MYH11: variants seen among roughly 807,000 people sequenced by gnomAD.
MYH11 encodes myosin-11.
Under a neutral mutation model 246.6 loss-of-function variants are expected in MYH11, and 80 were observed. That is an observed-to-expected ratio of 0.32 (90% CI 0.27 to 0.39). The LOEUF (loss-of-function observed/expected upper bound fraction) is 0.39, where lower values mean the gene tolerates loss of function less well. Among genes scored for constraint, MYH11 ranks in the 10% least tolerant of loss-of-function variants. MYH11 has a pLI of 1.00. For synonymous variants in MYH11, 1,071 were observed against 1,015.5 expected, an observed-to-expected ratio of 1.05 and a Z score of -1.04; for missense variants, 2,158 against 2,546.8, an observed-to-expected ratio of 0.85 and a Z score of 3.29.
intron 14 of MYH11, 148 bp downstream of exon 14, chr16:15,756,193 G>A (rs1376882379): frequency 1.4e-5 from 12 of 855,918 alleles, no homozygotes; most frequent in East Asian, 1.1e-4. Flanking sequence ...GACAAATTAC[G>A]AATAGGACTT....
chr16:15,786,592 G>A (rs1567760926), intron 5 of MYH11, 38 bp downstream of exon 5: 6 of 1,577,082 alleles, frequency 3.8e-6, no homozygotes, highest in Admixed American at 1.7e-5. Flanking sequence ...GAGACCGGTT[G>A]GCTAAATCAT....
At chr16:15,713,052 G>C (rs546672167) in intron 40 of MYH11, 1 of 151,624 alleles carries the variant, frequency 6.6e-6, no homozygotes, top group East Asian at 1.9e-4. Context: ...ACAGGGTTTC[G>C]GCATTCACAT....
chr16:15,717,628 C>T, intron 37 of MYH11: 1 of 546,692 alleles, frequency 1.8e-6, no homozygotes, highest in Non-Finnish European at 3.3e-6. Flanking sequence ...AACCCCGTCT[C>T]TATTAAAAAT....
rs554607161 is a variant in MYH11, at chr16:15,798,696, A to G, written c.503-9T>C. 54 of 1,612,662 alleles carry G rather than the reference A, an allele frequency of 3.3e-5. No homozygotes were observed. The highest frequency in any genetic ancestry group is 4.6e-5 in the Non-Finnish European group (54 of 1,179,872). On this transcript the variant is annotated splice_polypyrimidine_tract_variant and intron_variant, in intron 3 of 40. Transcript: ENST00000300036. ...GGACTGGTCCTCCCGATCTGCAAAC[A>G]GAAAGAAGAAAAAAGAGCCATGAAT...
In MYH11 at chr16:15,820,475, GAAAA is replaced by G. The variant is rs199534515; in HGVS notation, c.502+2776_502+2779del. On this transcript the variant is annotated intron_variant, in intron 3 of 40. Transcript: ENST00000300036. ...GGCACCAAGAGGGAAACTCCATCCG[GAAAA>G]AAAAAAAAAAAAAGAAAGAAAGAAA... Among the ~76,000 whole-genome samples, 107 of 104,372 alleles carry G rather than the reference GAAAA, an allele frequency of 1.0e-3. 1 individual carries two copies. The highest frequency in any genetic ancestry group is 1.7e-3 in the Non-Finnish European group (88 of 51,010). 68.5% of individuals were successfully genotyped at this position (104,372 alleles called of 152,430 possible). A position where few individuals can be genotyped will look rare whatever the true frequency, so the allele number is the denominator to read the frequency against.
At position 15,757,962 on chromosome 16, in the gene MYH11, G is replaced by A. The variant is rs554373758; in HGVS notation, c.1440C>T (p.Asn480=). The A allele has an allele frequency of 1.4e-5, 23 of 1,614,194 alleles. No individual in the cohort carries two copies. Among genetic ancestry groups the A allele is most frequent in the African/African-American group, 2.7e-5 (2 of 75,068 alleles). Residue 480 remains asparagine (N), a synonymous_variant, in exon 13 of 41, where the codon AAC becomes AAT. Coordinates refer to ENST00000300036, the MANE Select transcript of MYH11 (RefSeq NM_002474.3). Reference sequence around the variant, plus strand: ...GGTTGAAGAGCTGCTGCAGCTTCTCGTTGGTGTAGTTGATGCACAGCTGCT... The same window carrying A: ...GGTTGAAGAGCTGCTGCAGCTTCTCATTGGTGTAGTTGATGCACAGCTGCT... ...SFEQLCINYT[N]EKLQQLFNHT...
intron 1 of MYH11, among the ~76,000 whole-genome samples, chr16:15,850,828 G>C (rs1188514900): frequency 6.6e-6 from 1 of 152,196 alleles, no homozygotes; most frequent in Non-Finnish European, 1.5e-5. Context: ...CTGGGAGGTA[G>C]AGGTTGCAGT....
At chr16:15,842,873 A>T (rs1413805873) in intron 1 of MYH11, among the ~76,000 whole-genome samples, 5 of 152,040 alleles carry the variant, frequency 3.3e-5, no homozygotes, top group South Asian at 2.1e-4. Context: ...CTGGTAGACA[A>T]CATGTATTGT....
Position 15,724,644 on chromosome 16 carries a change from C to T in MYH11, c.4116+3G>A, listed in dbSNP as rs113723872. 1 of 1,613,826 alleles carries T rather than the reference C, an allele frequency of 6.2e-7. No individual in the cohort carries two copies. Among genetic ancestry groups the T allele is most frequent in the Non-Finnish European group, 8.5e-7 (1 of 1,180,030 alleles). ...GAAGGAAGCAAGGACACGGGGCAGG[C>T]ACCTGGATGTTGAGAGTGGAGATGT... is the stretch of plus-strand genomic sequence containing the variant. On this transcript the variant is annotated splice_donor_region_variant and intron_variant, in intron 30 of 40. Coordinates refer to ENST00000300036, the MANE Select transcript of MYH11 (RefSeq NM_002474.3).
chr16:15,724,143 A>T lies in MYH11; in HGVS notation c.4365+18T>A, dbSNP rs756133234. On this transcript the variant is annotated intron_variant, in intron 31 of 40. Transcript: ENST00000300036. ...CCAGCGTCCATGGCCAGAGTGGGGGACACCCCACGCCCTCTACCTGATCAA... is the reference window on the plus strand; with the variant it reads ...CCAGCGTCCATGGCCAGAGTGGGGGTCACCCCACGCCCTCTACCTGATCAA... The T allele has an allele frequency of 6.2e-7, 1 of 1,612,286 alleles. No individual in the cohort carries two copies. The highest frequency in any genetic ancestry group is 8.5e-7 in the Non-Finnish European group (1 of 1,180,014).
chr16:15,855,448 G>A (rs2044440195), intron 1 of MYH11, among the ~76,000 whole-genome samples: 1 of 152,174 alleles, frequency 6.6e-6, no homozygotes, highest in African/African-American at 2.4e-5. Flanking sequence ...AAAGATAGTG[G>A]GGTCAAGGGT....
chr16:15,740,802 A>G (rs554097901), intron 22 of MYH11, among the ~76,000 whole-genome samples: 1 of 152,318 alleles, frequency 6.6e-6, no homozygotes, highest in African/African-American at 2.4e-5. Context: ...TCTAACAACA[A>G]CAACAAAAAT....
rs1264372928 is a variant in MYH11 at position 15,776,182 on chromosome 16, T to G, written c.791-6A>C. 1 of 1,606,660 alleles carries G rather than the reference T, an allele frequency of 6.2e-7. No homozygotes were observed. Among genetic ancestry groups the G allele is most frequent in the East Asian group, 2.2e-5 (1 of 44,844 alleles). On this transcript the variant is annotated splice_polypyrimidine_tract_variant and splice_region_variant and intron_variant, in intron 7 of 40. Coordinates refer to ENST00000300036, the MANE Select transcript of MYH11 (RefSeq NM_002474.3). The stretch of plus-strand genomic sequence containing the variant: ...CCGTGATTTTTCTAGCAGATCTGGT[T>G]TGGAGGGAGTTAGGGATTCTGGGGA...
intron 23 of MYH11, 110 bp from the exon 24 acceptor site, chr16:15,738,798 T>C (rs2041194901): frequency 4.7e-6 from 6 of 1,289,494 alleles, no homozygotes; most frequent in Non-Finnish European, 6.5e-6. Context: ...ACCCACATTA[T>C]AACAAAATAC....
intron 6 of MYH11, among the ~76,000 whole-genome samples, chr16:15,780,209 C>T (rs921279494): frequency 2.0e-5 from 3 of 151,994 alleles, no homozygotes; most frequent in East Asian, 1.9e-4. Flanking sequence ...TCAGTGGAGG[C>T]GGCACATCTG....
In MYH11 at chr16:15,781,112, C is replaced by A. The variant is rs375316615; in HGVS notation, c.726+1273G>T. On this transcript the variant is annotated intron_variant, in intron 6 of 40. Coordinates refer to ENST00000300036, the MANE Select transcript of MYH11 (RefSeq NM_002474.3). ...GTAGAGATGGGGTTTCCCCATGTTG[C>A]CCAGGCTGGTCTCAAACTCTTGAGC... 3.6e-4 allele frequency among the ~76,000 whole-genome samples: 54 copies of A among 151,866 alleles called. 1 individual carries two copies. The South Asian group carries it at 0.01, about 29-fold the overall frequency.
At chr16:15,804,301 C>T (rs1002369771) in intron 3 of MYH11, among the ~76,000 whole-genome samples, 4 of 152,162 alleles carry the variant, frequency 2.6e-5, no homozygotes, top group Admixed American at 6.5e-5. Flanking sequence ...GAGGCCGACA[C>T]AGCTGGATCT....
intron 1 of MYH11, among the ~76,000 whole-genome samples, chr16:15,839,914 G>T (rs1356703558): frequency 6.6e-6 from 1 of 152,076 alleles, no homozygotes; most frequent in Non-Finnish European, 1.5e-5. Context: ...AGCCGGGCAT[G>T]GTGGTGCACA....
At chr16:15,723,410 G>A (rs2040585651) in intron 31 of MYH11, among the ~76,000 whole-genome samples, 1 of 152,172 alleles carries the variant, frequency 6.6e-6, no homozygotes, top group African/African-American at 2.4e-5. Context: ...ACTTTGGGAG[G>A]CCAAGGCAGG....
Sources: allele counts gnomAD v4.1 joint callset (sites outside exome capture counted in the v4.1 genomes callset), GRCh38; gene constraint gnomAD v4.1.1; transcripts MANE v1.5; gene names NCBI Gene and HGNC (gene_info 2026-07-23, HGNC 2026-07-21).